The following SLC35F4 variants were observed in gnomAD, a reference collection of about 807,000 sequenced individuals.
SLC35F4 encodes solute carrier family 35 member F4, also known as chromosome 14 open reading frame 36.
A neutral mutation model predicts 44.2 loss-of-function variants in SLC35F4; 24 were observed. The observed-to-expected ratio is 0.54, with a 90% CI of 0.39 to 0.76. The LOEUF (loss-of-function observed/expected upper bound fraction) is 0.76, where lower values mean the gene tolerates loss of function less well. Among genes scored for constraint, SLC35F4 ranks in the 30% least tolerant of loss-of-function variants. SLC35F4 has a pLI of 0.00. For missense variants in SLC35F4, 562 were observed against 586.1 expected, an observed-to-expected ratio of 0.96 and a Z score of 0.42; for synonymous variants, 238 against 223.6, an observed-to-expected ratio of 1.06 and a Z score of -0.57.
chr14:57,804,491 A>C (rs1881057245), intron 1 of SLC35F4, among the ~76,000 whole-genome samples: 1 of 152,150 alleles, frequency 6.6e-6, no homozygotes, highest in Non-Finnish European at 1.5e-5. Flanking sequence ...TCTGATCTTC[A>C]ACAAGCTCAC....
At position 57,667,701 on chromosome 14, in the gene SLC35F4, A is replaced by G. The variant is rs574323719; in HGVS notation, c.104-73577T>C. ...ATGGCTGCAGAGTATTCCATGGTGT[A>G]TATGTGCCACATTTTCTTAATCCAG... On this transcript the variant is annotated intron_variant, in intron 1 of 7. Coordinates refer to ENST00000556826, the MANE Select transcript of SLC35F4 (RefSeq NM_001306087.2). Among the ~76,000 whole-genome samples, 305 of 151,906 alleles carry G rather than the reference A, an allele frequency of 2.0e-3. 4 individuals are homozygous for G. The highest frequency in any genetic ancestry group is 7.1e-3 in the African/African-American group (292 of 41,276).
At chr14:57,972,910 G>A (rs992066306), downstream of SLC35F4, among the ~76,000 whole-genome samples, 7 of 152,242 alleles carry the variant, frequency 4.6e-5, no homozygotes, top group East Asian at 1.9e-4. Flanking sequence ...ATACAATGCC[G>A]AGGGAGAAGG....
At chr14:57,857,458 T>C (rs1887221393) in intron 1 of SLC35F4, among the ~76,000 whole-genome samples, 1 of 152,110 alleles carries the variant, frequency 6.6e-6, no homozygotes, top group African/African-American at 2.4e-5. Context: ...TTTTTTCTTT[T>C]TCTCTAATCA....
At chr14:57,977,617 C>A (rs1881257308) in intron 1 of SLC35F4, among the ~76,000 whole-genome samples, 1 of 152,166 alleles carries the variant, frequency 6.6e-6, no homozygotes, top group South Asian at 2.1e-4. Flanking sequence ...CAAACTCAAG[C>A]ACGTTCCAAA....
chr14:57,911,318 G>T lies in SLC35F4; in HGVS notation n.282+70595C>A, dbSNP rs77567651. Among the ~76,000 whole-genome samples the T allele has an allele frequency of 4.7e-3, 709 of 152,002 alleles. 7 individuals are homozygous for T. Among genetic ancestry groups the T allele is most frequent in the African/African-American group, 0.016 (679 of 41,506 alleles). ...TTGCATTAGCCAGAACTTCTAGTAT[G>T]ATATTGAAAAGCAGTGGTAAGCGGG... is the stretch of plus-strand genomic sequence containing the variant. On this transcript the variant is annotated intron_variant and non_coding_transcript_variant, in intron 1 of 1. Coordinates refer to the SLC35F4 transcript ENST00000556568.
At chr14:57,848,975 G>A (rs754355699) in intron 1 of SLC35F4, among the ~76,000 whole-genome samples, 1 of 152,138 alleles carries the variant, frequency 6.6e-6, no homozygotes, top group African/African-American at 2.4e-5. Flanking sequence ...CTTTGAATCT[G>A]ACCCAAGAGT....
rs564116284 is a variant in SLC35F4, at chr14:57,700,199, C to T, written c.104-106075G>A. Among the ~76,000 whole-genome samples, 341 of 152,286 alleles carry T rather than the reference C, an allele frequency of 2.2e-3. 2 individuals carry two copies. The highest frequency in any genetic ancestry group is 7.3e-3 in the South Asian group (35 of 4,826). ...CTAGGCTATATGGTATAACCTGTTG[C>T]TCCTAGCATACAAACCCCTACAGCA... On this transcript the variant is annotated intron_variant, in intron 1 of 7. Transcript: ENST00000556826.
At chr14:57,813,416 C>T (rs1253183227) in intron 1 of SLC35F4, among the ~76,000 whole-genome samples, 3 of 152,020 alleles carry the variant, frequency 2.0e-5, no homozygotes, top group Non-Finnish European at 4.4e-5. Context: ...ATGGTGAAAC[C>T]CCATCTCTAC....
chr14:57,974,134 G>A (rs1344678307), downstream of SLC35F4, among the ~76,000 whole-genome samples: 1 of 152,150 alleles, frequency 6.6e-6, no homozygotes, highest in Non-Finnish European at 1.5e-5. Context: ...GTAGTCATCT[G>A]GCAATGGGCT....
intron 1 of SLC35F4, among the ~76,000 whole-genome samples, chr14:57,643,949 A>G (rs1321478022): frequency 2.6e-5 from 4 of 152,100 alleles, no homozygotes; most frequent in Non-Finnish European, 5.9e-5. Context: ...ACATGAACTC[A>G]TCCTTGTTTA....
At chr14:57,796,355 CA>C (rs1300675964) in intron 1 of SLC35F4, among the ~76,000 whole-genome samples, 1 of 152,138 alleles carries the variant, frequency 6.6e-6, no homozygotes, top group Non-Finnish European at 1.5e-5. Flanking sequence ...GAAACATAAT[CA>C]ATCTATTTTC....
intron 1 of SLC35F4, among the ~76,000 whole-genome samples, chr14:57,636,119 C>T (rs1028978635): frequency 2.0e-5 from 3 of 152,076 alleles, no homozygotes; most frequent in African/African-American, 7.2e-5. Context: ...CCAAATTAGA[C>T]AATGGAGACA....
chr14:57,959,360 A>G (rs915206672), intron 1 of SLC35F4, among the ~76,000 whole-genome samples: 2 of 152,230 alleles, frequency 1.3e-5, no homozygotes, highest in African/African-American at 4.8e-5. Context: ...AATGAAAGCA[A>G]AAATTATAAA....
chr14:57,772,300 C>A (rs1432222759), intron 1 of SLC35F4, among the ~76,000 whole-genome samples: 1 of 152,138 alleles, frequency 6.6e-6, no homozygotes, highest in Admixed American at 6.5e-5. Context: ...TATAGTGAAA[C>A]CAGACAATTA....
chr14:57,845,905 C>A (rs1381357269), intron 1 of SLC35F4, among the ~76,000 whole-genome samples: 1 of 152,122 alleles, frequency 6.6e-6, no homozygotes, highest in African/African-American at 2.4e-5. Context: ...CAGCCCTACA[C>A]ACTAGGAGAG....
chr14:57,945,438 A>AGTGTGTGTGTGT (rs1890006688), intron 1 of SLC35F4, among the ~76,000 whole-genome samples: 1 of 75,380 alleles, frequency 1.3e-5, no homozygotes, highest in Non-Finnish European at 2.4e-5. Context: ...GAGCAATGAT[A>AGTGTGTGTGTGT]ATGTGTGTGT....
chr14:57,855,537 C>T (rs1887001656), intron 1 of SLC35F4, among the ~76,000 whole-genome samples: 1 of 152,182 alleles, frequency 6.6e-6, no homozygotes, highest in Admixed American at 6.5e-5. Flanking sequence ...AGTCAGGAAA[C>T]AACAGGTGCT....
chr14:57,747,509 T>C (rs1400071281), intron 1 of SLC35F4, among the ~76,000 whole-genome samples: 1 of 152,162 alleles, frequency 6.6e-6, no homozygotes, highest in Admixed American at 6.6e-5. Flanking sequence ...CAGTATGGTA[T>C]TGTGAACCCT....
intron 1 of SLC35F4, among the ~76,000 whole-genome samples, chr14:57,879,643 T>C (rs1456680032): frequency 6.6e-6 from 1 of 152,156 alleles, no homozygotes; most frequent in Non-Finnish European, 1.5e-5. Context: ...GCCAGGAGAA[T>C]GTTTTTCAAG....
Sources: gnomAD v4.1 joint callset for allele counts (sites outside exome capture counted in the v4.1 genomes callset) on GRCh38, gnomAD v4.1.1 for gene constraint, MANE v1.5 for transcripts, NCBI Gene and HGNC (gene_info 2026-07-23, HGNC 2026-07-21) for gene names.